Variants in RALGPS1 observed in about 807,000 individuals in gnomAD.
RALGPS1 encodes Ral GEF with PH domain and SH3 binding motif 1, also known as ras-specific guanine nucleotide-releasing factor RalGPS1.
RALGPS1 carries 19 observed loss-of-function variants against 78.8 expected under a neutral mutation model. The observed-to-expected ratio is 0.24, with a 90% CI of 0.17 to 0.35. RALGPS1 has a LOEUF of 0.35. RALGPS1 is among the 10% of genes least tolerant of loss of function. The pLI is 1.00. For missense variants in RALGPS1, 454 were observed against 688.3 expected (o/e 0.66, Z 3.81); for synonymous variants, 228 against 256.3 (o/e 0.89, Z 1.06).
chr9:126,988,577 A>T (rs1047478392), intron 4 of RALGPS1, among the ~76,000 whole-genome samples: 1 of 152,124 alleles, frequency 6.6e-6, no homozygotes, highest in Non-Finnish European at 1.5e-5. Context: ...CAGCCCTCTG[A>T]AGGATTTTAA....
chr9:127,123,808 C>T (rs1043432805), intron 8 of RALGPS1, among the ~76,000 whole-genome samples: 3 of 152,220 alleles, frequency 2.0e-5, no homozygotes, highest in African/African-American at 4.8e-5. Flanking sequence ...GGCCTGCTGC[C>T]GGGCACCCTG....
At chr9:126,948,771 G>T (rs115905222) in intron 1 of RALGPS1, among the ~76,000 whole-genome samples, 1 of 151,790 alleles carries the variant, frequency 6.6e-6, no homozygotes, top group African/African-American at 2.4e-5. Flanking sequence ...CCAAGAAGAC[G>T]CTTTTCCTGG....
At chr9:127,165,383 G>A (rs954899) in intron 8 of RALGPS1, among the ~76,000 whole-genome samples, 20,965 of 152,250 alleles carry the variant, frequency 0.14, 4,415 homozygotes, top group African/African-American at 0.46. Flanking sequence ...AAATCCCCCC[G>A]GCTTATCACT....
At chr9:127,061,646 C>G (rs1164944812) in intron 7 of RALGPS1, among the ~76,000 whole-genome samples, 2 of 152,200 alleles carry the variant, frequency 1.3e-5, no homozygotes, top group Non-Finnish European at 2.9e-5. Context: ...CTCGGGTCCT[C>G]TCCAGCCCCA....
At chr9:127,021,089 T>G (rs2045394091) in intron 4 of RALGPS1, among the ~76,000 whole-genome samples, 1 of 152,068 alleles carries the variant, frequency 6.6e-6, no homozygotes, top group Non-Finnish European at 1.5e-5. Context: ...GGCTAATAGG[T>G]AATTTAAATT....
intron 1 of RALGPS1, among the ~76,000 whole-genome samples, chr9:126,928,937 G>A (rs1385470856): frequency 6.6e-6 from 1 of 152,076 alleles, no homozygotes; most frequent in Non-Finnish European, 1.5e-5. Flanking sequence ...TCTTGGATAT[G>A]TTACCTAACC....
intron 1 of RALGPS1, among the ~76,000 whole-genome samples, chr9:126,919,811 G>A (rs1233330688): frequency 1.3e-5 from 2 of 152,286 alleles, no homozygotes; most frequent in Admixed American, 1.3e-4. Context: ...GTGCTCACAT[G>A]CTGTGTGTGG....
At chr9:127,035,605 G>A (rs1024973282) in intron 5 of RALGPS1, among the ~76,000 whole-genome samples, 3 of 152,086 alleles carry the variant, frequency 2.0e-5, no homozygotes, top group Non-Finnish European at 4.4e-5. Context: ...CTTCTCTCTC[G>A]GAAATGCTTG....
intron 1 of RALGPS1, among the ~76,000 whole-genome samples, chr9:126,924,450 G>T (rs573595681): frequency 6.6e-6 from 1 of 152,350 alleles, no homozygotes; most frequent in East Asian, 1.9e-4. Context: ...AATATAGCCA[G>T]TAGTACTTGT....
chr9:126,999,870 A>C (rs1420397754), intron 4 of RALGPS1, among the ~76,000 whole-genome samples: 1 of 152,242 alleles, frequency 6.6e-6, no homozygotes, highest in Non-Finnish European at 1.5e-5. Flanking sequence ...CATTGTGGAA[A>C]GCTTTTAAAC....
chr9:127,196,215 A>G (rs888712400), intron 12 of RALGPS1, among the ~76,000 whole-genome samples: 1 of 152,328 alleles, frequency 6.6e-6, no homozygotes, highest in South Asian at 2.1e-4. Flanking sequence ...TGCTCACTCG[A>G]GCCTCATAGC....
chr9:127,147,615 C>A (rs944504329), intron 8 of RALGPS1, among the ~76,000 whole-genome samples: 16 of 152,218 alleles, frequency 1.1e-4, no homozygotes, highest in African/African-American at 3.6e-4. Flanking sequence ...GTTATCCCAG[C>A]AGCATTTATT....
chr9:127,195,058 C>T (rs930944364), intron 11 of RALGPS1, 33 bp from the exon 12 acceptor site: 2 of 1,610,020 alleles, frequency 1.2e-6, no homozygotes, highest in Non-Finnish European at 1.7e-6. Flanking sequence ...CCCATCATAA[C>T]CCCCGTTGTT....
At chr9:126,919,073 T>TA (rs1314012655) in intron 1 of RALGPS1, among the ~76,000 whole-genome samples, 2 of 152,222 alleles carry the variant, frequency 1.3e-5, no homozygotes, top group Non-Finnish European at 2.9e-5. Context: ...CAGCCACTGT[T>TA]ACCAGTTTCT....
At chr9:127,096,662 G>A (rs756624401) in intron 8 of RALGPS1, among the ~76,000 whole-genome samples, 2 of 152,134 alleles carry the variant, frequency 1.3e-5, no homozygotes, top group Admixed American at 6.5e-5. Flanking sequence ...TAAATGTTTT[G>A]GGGCTACTAG....
chr9:127,207,499 AAAAC>A (rs369601624), intron 14 of RALGPS1, among the ~76,000 whole-genome samples: 101 of 152,306 alleles, frequency 6.6e-4, no homozygotes, highest in South Asian at 1.2e-3. Context: ...CAGTTACCAA[AAAAC>A]AAACAAACAA....
chr9:126,985,290 A>G (rs910536513), intron 4 of RALGPS1, among the ~76,000 whole-genome samples: 3 of 152,216 alleles, frequency 2.0e-5, no homozygotes, highest in Non-Finnish European at 4.4e-5. Flanking sequence ...CCCGAAGTCT[A>G]GATTCCACAC....
At chr9:127,086,152 A>T (rs999240572) in intron 8 of RALGPS1, among the ~76,000 whole-genome samples, 3 of 152,154 alleles carry the variant, frequency 2.0e-5, no homozygotes, top group African/African-American at 7.2e-5. Flanking sequence ...TTCTAATCAC[A>T]TGGTAGGCTT....
chr9:127,093,723 C>G (rs1209173920), intron 8 of RALGPS1: 1 of 1,613,390 alleles, frequency 6.2e-7, no homozygotes, highest in Non-Finnish European at 8.5e-7. Flanking sequence ...CATCCCCTGC[C>G]GAGTCTCACC....
Sources: allele counts gnomAD v4.1 joint callset (sites outside exome capture counted in the v4.1 genomes callset), GRCh38; gene constraint gnomAD v4.1.1; transcripts MANE v1.5; gene names NCBI Gene and HGNC (gene_info 2026-07-23, HGNC 2026-07-21).